Variants in DMD observed in about 807,000 individuals in gnomAD.
DMD encodes the protein mutant dystrophin.
DMD carries 63 observed loss-of-function variants against 330.1 expected under a neutral mutation model. The observed-to-expected ratio is 0.19, with a 90% CI of 0.16 to 0.24. DMD has a LOEUF of 0.24. Ranked by LOEUF, DMD falls within the 10% of genes least tolerant of loss-of-function variation. The pLI is 1.00. For missense variants in DMD, 3,344 were observed against 2,684.1 expected, an observed-to-expected ratio of 1.25 and a Z score of -5.43; for synonymous variants, 1,223 against 959.8, an observed-to-expected ratio of 1.27 and a Z score of -5.07.
intron 19 of DMD, among the ~76,000 whole-genome samples, chrX:32,494,272 G>T (rs2043275336): frequency 9.0e-6 from 1 of 111,298 alleles, no homozygotes; most frequent in Non-Finnish European, 1.9e-5. Flanking sequence ...AGTCAGCTTT[G>T]TACAAATTCA....
At position 31,266,804 on chromosome X, in the gene DMD, A is replaced by T. The variant is rs1295867901; in HGVS notation, c.9225-5788T>A. On this transcript the variant is annotated intron_variant, in intron 62 of 78. Coordinates refer to ENST00000357033, the MANE Select transcript of DMD (RefSeq NM_004006.3). ...TCAGACGGGGCCGGGGCCGCGATCCACTTACCCTTTGAGCTGTTCCCTCAT... is the reference window on the plus strand; with the variant it reads ...TCAGACGGGGCCGGGGCCGCGATCCTCTTACCCTTTGAGCTGTTCCCTCAT... 2.5e-6 allele frequency: 3 copies of T among 1,200,275 alleles called. No individual in the cohort carries two copies. The South Asian group carries it at 5.4e-5, about 21-fold the overall frequency.
At chrX:31,859,752 T>C (rs748979975) in intron 48 of DMD, among the ~76,000 whole-genome samples, 3 of 112,757 alleles carry the variant, frequency 2.7e-5, no homozygotes, top group East Asian at 2.8e-4. Context: ...TAAAAAGTTA[T>C]GATTAGAAGA....
At chrX:31,268,612 G>A (rs1422518156) in intron 62 of DMD, among the ~76,000 whole-genome samples, 1 of 111,775 alleles carries the variant, frequency 8.9e-6, no homozygotes, top group Non-Finnish European at 1.9e-5. Context: ...GGTCTGCTCC[G>A]ATCCTTGGGG....
At chrX:31,969,858 C>A (rs770759051) in intron 44 of DMD, among the ~76,000 whole-genome samples, 1 of 111,640 alleles carries the variant, frequency 9.0e-6, no homozygotes, top group East Asian at 2.8e-4. Context: ...CCTGGCCATA[C>A]TCTCTTGAAT....
At chrX:33,143,205 C>A (rs2047880891) in intron 1 of DMD, among the ~76,000 whole-genome samples, 2 of 110,861 alleles carry the variant, frequency 1.8e-5, no homozygotes, top group African/African-American at 6.5e-5. Flanking sequence ...ATAATACAAA[C>A]TTCACTTTGG....
At chrX:31,201,073 C>T (rs2043384053) in intron 67 of DMD, among the ~76,000 whole-genome samples, 1 of 110,730 alleles carries the variant, frequency 9.0e-6, no homozygotes, top group Admixed American at 9.7e-5. Context: ...CGCCTGTACT[C>T]CCAACATTTT....
chrX:31,794,302 T>C (rs1412194500), intron 50 of DMD, among the ~76,000 whole-genome samples: 1 of 111,489 alleles, frequency 9.0e-6, no homozygotes, highest in East Asian at 2.8e-4. Flanking sequence ...CCATGAAACA[T>C]TCCTGGGGCT....
chrX:32,194,115 A>G (rs955814190), intron 44 of DMD, among the ~76,000 whole-genome samples: 2 of 112,702 alleles, frequency 1.8e-5, no homozygotes, highest in African/African-American at 6.4e-5. Context: ...TCATACATCA[A>G]TGATGGATAC....
At chrX:32,094,016 C>T (rs1603624848) in intron 44 of DMD, among the ~76,000 whole-genome samples, 1 of 111,466 alleles carries the variant, frequency 9.0e-6, no homozygotes, top group South Asian at 3.7e-4. Context: ...GTTCTTTGCT[C>T]ATTAACAAAA....
At chrX:32,780,231 T>TA (rs2074583518) in intron 7 of DMD, among the ~76,000 whole-genome samples, 1 of 112,387 alleles carries the variant, frequency 8.9e-6, no homozygotes. Flanking sequence ...ATGTAGCAAT[T>TA]ACACAATCTC....
chrX:31,178,412 A>T, intron 70 of DMD: 2 of 948,539 alleles, frequency 2.1e-6, no homozygotes, highest in Non-Finnish European at 2.6e-6. Context: ...TAAGGCAATT[A>T]GTGGCTGTAT....
intron 7 of DMD, among the ~76,000 whole-genome samples, chrX:32,805,427 A>AG (rs1295584004): frequency 1.8e-5 from 2 of 111,887 alleles, no homozygotes; most frequent in Admixed American, 9.5e-5. Flanking sequence ...AAGAATGAAA[A>AG]GGAATGAACA....
intron 9 of DMD, among the ~76,000 whole-genome samples, chrX:32,682,294 C>T (rs892795944): frequency 9.0e-6 from 1 of 111,256 alleles, no homozygotes; most frequent in African/African-American, 3.3e-5. Flanking sequence ...GGATTTAAGG[C>T]TTGCAAAGGA....
At chrX:33,130,768 C>G (rs1378654371) in intron 1 of DMD, among the ~76,000 whole-genome samples, 1 of 110,592 alleles carries the variant, frequency 9.0e-6, no homozygotes, top group Non-Finnish European at 1.9e-5. Context: ...TCAGGCTGGT[C>G]TCGGACTCCC....
At chrX:31,191,521 C>T (rs2042355602) in intron 67 of DMD, among the ~76,000 whole-genome samples, 1 of 108,644 alleles carries the variant, frequency 9.2e-6, no homozygotes, top group Non-Finnish European at 1.9e-5. Flanking sequence ...TTGGTCTTTC[C>T]TGCGCCGTTC....
chrX:32,248,603 A>G (rs2097251532), intron 43 of DMD, among the ~76,000 whole-genome samples: 1 of 110,159 alleles, frequency 9.1e-6, no homozygotes, highest in Non-Finnish European at 1.9e-5. Context: ...TTCCAAAAAA[A>G]AAAACAAAGA....
chrX:32,410,470 A>G (rs926042419), intron 30 of DMD, among the ~76,000 whole-genome samples: 1 of 112,061 alleles, frequency 8.9e-6, no homozygotes, highest in African/African-American at 3.2e-5. Flanking sequence ...CAGAACACCT[A>G]TTAACGGTGA....
intron 2 of DMD, among the ~76,000 whole-genome samples, chrX:32,886,640 G>T (rs931986670): frequency 9.1e-6 from 1 of 110,308 alleles, no homozygotes; most frequent in East Asian, 2.9e-4. Flanking sequence ...CCGAGATCGC[G>T]CCACTGCACT....
At chrX:31,410,256 C>T (rs1217454560) in intron 60 of DMD, among the ~76,000 whole-genome samples, 1 of 112,398 alleles carries the variant, frequency 8.9e-6, no homozygotes, top group Non-Finnish European at 1.9e-5. Context: ...CACTCTATGA[C>T]CACAAAATAT....
Sources: gnomAD v4.1 joint callset for allele counts (sites outside exome capture counted in the v4.1 genomes callset) on GRCh38, gnomAD v4.1.1 for gene constraint, MANE v1.5 for transcripts, NCBI Gene and HGNC (gene_info 2026-07-23, HGNC 2026-07-21) for gene names.